Variants in PYY observed in about 807,000 individuals in gnomAD.
The protein encoded by PYY is peptide tyrosine tyrosine.
Under a neutral mutation model 10.3 loss-of-function variants are expected in PYY, and 12 were observed. That is an observed-to-expected ratio of 1.17 (90% CI 0.75 to 1.89). The LOEUF (loss-of-function observed/expected upper bound fraction) is 1.89. Ranked by LOEUF, PYY falls within the 40% of genes most tolerant of loss-of-function variation. The probability of loss-of-function intolerance (pLI) is 0.00; values close to 1 mark genes in which losing one functional copy is unlikely to be tolerated. For missense variants in PYY, 141 were observed against 134.0 expected (o/e 1.05, Z -0.26); for synonymous variants, 66 against 62.0 (o/e 1.06, Z -0.30).
At chr17:43,953,225 G>A (rs2048644990) in intron 2 of PYY, 36 bp from the exon 3 acceptor site, 2 of 1,611,282 alleles carry the variant, frequency 1.2e-6, no homozygotes, top group African/African-American at 1.3e-5. Flanking sequence ...GGTCAGATCT[G>A]GCCACGCCCC....
At chr17:43,995,223 C>T (rs1388547658) in intron 1 of PYY, among the ~76,000 whole-genome samples, 4 of 152,202 alleles carry the variant, frequency 2.6e-5, no homozygotes, top group Non-Finnish European at 5.9e-5. Context: ...AGGATATTTT[C>T]CTGAACCCCG....
chr17:43,963,601 A>AGAAG (rs1597845721), intron 2 of PYY, among the ~76,000 whole-genome samples: 1 of 85,812 alleles, frequency 1.2e-5, no homozygotes, highest in Non-Finnish European at 2.8e-5. Flanking sequence ...AAAGAAAGAA[A>AGAAG]GAAAGAAAGA....
At chr17:43,988,979 C>G (rs1045574169) in intron 1 of PYY, among the ~76,000 whole-genome samples, 5 of 151,958 alleles carry the variant, frequency 3.3e-5, no homozygotes, top group African/African-American at 1.2e-4. Context: ...CCAGGCTGGT[C>G]TTGAACTCCT....
At chr17:43,954,744 G>A (rs2048660961), upstream of PYY, among the ~76,000 whole-genome samples, 1 of 152,134 alleles carries the variant, frequency 6.6e-6, no homozygotes, top group Non-Finnish European at 1.5e-5. Context: ...GTGTCTTCTG[G>A]GCCTGAGTGA....
intron 1 of PYY, among the ~76,000 whole-genome samples, chr17:43,980,251 C>T (rs1205069462): frequency 1.4e-5 from 2 of 146,990 alleles, no homozygotes; most frequent in East Asian, 2.0e-4. Flanking sequence ...GCAATCTCCA[C>T]CTCCGGAGTT....
intron 2 of PYY, among the ~76,000 whole-genome samples, chr17:43,966,058 A>G (rs981208845): frequency 1.3e-5 from 2 of 151,984 alleles, no homozygotes; most frequent in Non-Finnish European, 2.9e-5. Flanking sequence ...CACATAGTCC[A>G]CTGTTTCTAG....
chr17:43,961,400 C>G (rs2143900295), intron 2 of PYY, among the ~76,000 whole-genome samples: 1 of 152,262 alleles, frequency 6.6e-6, no homozygotes, highest in South Asian at 2.1e-4. Context: ...TGTACATGTA[C>G]CCCTCAATTT....
chr17:43,981,372 A>C (rs1409108151), intron 1 of PYY, among the ~76,000 whole-genome samples: 1 of 152,122 alleles, frequency 6.6e-6, no homozygotes, highest in Non-Finnish European at 1.5e-5. Context: ...CCTCACCAAT[A>C]CTTGGCATCA....
chr17:43,999,628 C>CGTGGT (rs960215795), intron 1 of PYY, among the ~76,000 whole-genome samples: 1 of 151,854 alleles, frequency 6.6e-6, no homozygotes, highest in Non-Finnish European at 1.5e-5. Context: ...ATCAGCCAGG[C>CGTGGT]GTGGTGGCGC....
At chr17:43,970,704 C>T (rs948772534) in intron 1 of PYY, among the ~76,000 whole-genome samples, 1 of 152,100 alleles carries the variant, frequency 6.6e-6, no homozygotes, top group Non-Finnish European at 1.5e-5. Flanking sequence ...TGTATCACTC[C>T]GAAGGACCCC....
At position 43,960,033 on chromosome 17, in the gene PYY, T is replaced by C. The variant is rs191715031; in HGVS notation, c.-217-2005A>G. Among the ~76,000 whole-genome samples the C allele has an allele frequency of 2.0e-3, 307 of 152,362 alleles. 1 individual carries two copies. The highest frequency in any genetic ancestry group is 3.6e-3 in the Non-Finnish European group (246 of 68,038). On this transcript the variant is annotated intron_variant, in intron 2 of 6. Coordinates refer to the PYY transcript ENST00000360085. The stretch of plus-strand genomic sequence containing the variant: ...TGGCATGTGTGTGCTCCTAGGTTAT[T>C]GAATCAGTCAGTCAACATGTGAACA...
chr17:43,956,004 C>G (rs1399588769), upstream of PYY, among the ~76,000 whole-genome samples: 1 of 151,950 alleles, frequency 6.6e-6, no homozygotes, highest in African/African-American at 2.4e-5. Flanking sequence ...TCTAGTGCAC[C>G]GATTCTGGAC....
chr17:43,984,544 C>T (rs530963257), intron 1 of PYY, among the ~76,000 whole-genome samples: 55 of 152,332 alleles, frequency 3.6e-4, no homozygotes, highest in African/African-American at 1.3e-3. Flanking sequence ...GTGGAAACCG[C>T]TTACTTAGAG....
intron 1 of PYY, among the ~76,000 whole-genome samples, chr17:43,988,275 G>A (rs1004722371): frequency 2.6e-5 from 4 of 152,160 alleles, no homozygotes; most frequent in Admixed American, 1.3e-4. Flanking sequence ...TGGAAAACAG[G>A]ACGAAATGGA....
chr17:44,004,375 C>T, intron 1 of PYY: 1 of 309,192 alleles, frequency 3.2e-6, no homozygotes, highest in Middle Eastern at 8.7e-4. Context: ...CTCCCAAAGC[C>T]GCCCCTGGAA....
intron 1 of PYY, among the ~76,000 whole-genome samples, chr17:43,997,988 G>A (rs2049001991): frequency 6.6e-6 from 1 of 151,972 alleles, no homozygotes; most frequent in Non-Finnish European, 1.5e-5. Context: ...GCCCAGGCTG[G>A]AGTGCAGTGG....
At chr17:43,976,276 T>TACATGTATAC (rs2048841876) in intron 1 of PYY, among the ~76,000 whole-genome samples, 1 of 146,252 alleles carries the variant, frequency 6.8e-6, no homozygotes, top group Non-Finnish European at 1.5e-5. Context: ...CATGTACGTA[T>TACATGTATAC]ATATACGCAT....
intron 2 of PYY, among the ~76,000 whole-genome samples, chr17:43,962,541 A>G (rs2048719449): frequency 6.6e-6 from 1 of 152,208 alleles, no homozygotes; most frequent in Non-Finnish European, 1.5e-5. Flanking sequence ...AAAAATGAGC[A>G]TTCTTGACCA....
At chr17:43,995,795 C>T (rs1323796189) in intron 1 of PYY, among the ~76,000 whole-genome samples, 1 of 145,844 alleles carries the variant, frequency 6.9e-6, no homozygotes, top group Non-Finnish European at 1.5e-5. Context: ...GATCCAGCCA[C>T]TGCACTCCAG....
Sources: allele counts gnomAD v4.1 joint callset (sites outside exome capture counted in the v4.1 genomes callset), GRCh38; gene constraint gnomAD v4.1.1; transcripts MANE v1.5; gene names NCBI Gene and HGNC (gene_info 2026-07-23, HGNC 2026-07-21).